PCDHGA3: variants seen among roughly 807,000 people sequenced by gnomAD.
PCDHGA3 encodes the protein protocadherin gamma subfamily A, 3.
A neutral mutation model predicts 58.5 loss-of-function variants in PCDHGA3; 40 were observed. The observed-to-expected ratio is 0.68, with a 90% CI of 0.53 to 0.89. PCDHGA3 has a LOEUF of 0.89. Among genes scored for constraint, PCDHGA3 ranks in the 40% least tolerant of loss-of-function variants. The pLI is 0.00. For synonymous variants in PCDHGA3, 530 were observed against 525.7 expected (o/e 1.01, Z -0.11); for missense variants, 1,223 against 1,195.9 (o/e 1.02, Z -0.33).
intron 1 of PCDHGA3, chr5:141,404,186 C>A (rs767632448): frequency 1.2e-6 from 2 of 1,612,966 alleles, no homozygotes; most frequent in Middle Eastern, 1.6e-4. Flanking sequence ...AATTCTTGAC[C>A]GAGAAAAAGC....
intron 1 of PCDHGA3, chr5:141,433,126 G>A (rs1390613447): frequency 1.9e-6 from 3 of 1,614,120 alleles, no homozygotes; most frequent in Middle Eastern, 1.7e-4. Flanking sequence ...AAAAAAGCGA[G>A]CCCCTTTTGC....
rs374709453 is a variant in PCDHGA3 at position 141,346,400 on chromosome 5, G to A, written c.2367G>A (p.Glu789=). 9.9e-6 allele frequency: 16 copies of A among 1,614,124 alleles called. No homozygotes were observed. In the African/African-American group the frequency reaches 1.6e-4, roughly 16 times the overall value. The change falls in exon 1 of 4, where the codon GAG becomes GAA. Residue 789 remains glutamate, a synonymous_variant. Coordinates refer to ENST00000253812, the MANE Select transcript of PCDHGA3 (RefSeq NM_018916.4). ...GCCAGGAGAGCTGTGAGAAAAGCGA[G>A]CCTCTTCTGATAACTCAGGATTTAC... ...LISQESCEKS[E]PLLITQDLLE...
chr5:141,356,928 G>A, intron 1 of PCDHGA3: 1 of 1,614,206 alleles, frequency 6.2e-7, no homozygotes, highest in Non-Finnish European at 8.5e-7. Flanking sequence ...CTGGTGTGGA[G>A]CTGGCACCCC....
At chr5:141,409,200 T>A in intron 1 of PCDHGA3, 1 of 1,614,020 alleles carries the variant, frequency 6.2e-7, no homozygotes, top group Non-Finnish European at 8.5e-7. Flanking sequence ...CAGTGTAAAG[T>A]AATCATAGAA....
chr5:141,429,395 A>T (rs545207705), intron 1 of PCDHGA3, among the ~76,000 whole-genome samples: 166 of 152,126 alleles, frequency 1.1e-3, no homozygotes, highest in African/African-American at 3.8e-3. Flanking sequence ...TTTAAAAAAA[A>T]TTGAGATTAA....
rs368093282 is a variant in PCDHGA3 at position 141,350,894 on chromosome 5, A to G, written c.2424+4437A>G. 1.2e-6 allele frequency: 2 copies of G among 1,613,946 alleles called. No homozygotes were observed. The highest frequency in any genetic ancestry group is 1.7e-6 in the Non-Finnish European group (2 of 1,179,908). On this transcript the variant is annotated intron_variant, in intron 1 of 3. Transcript: ENST00000253812. Reference sequence around the variant, plus strand: ...CTCTCATCGCTTAATCCTGACTGCCATGGATGGCGGGGACCCGCCTCTAAG... The same window carrying G: ...CTCTCATCGCTTAATCCTGACTGCCGTGGATGGCGGGGACCCGCCTCTAAG...
At chr5:141,409,192 G>A in intron 1 of PCDHGA3, 4 of 1,614,000 alleles carry the variant, frequency 2.5e-6, no homozygotes, top group Non-Finnish European at 3.4e-6. Context: ...TCTCTACCCA[G>A]TGTAAAGTAA....
At chr5:141,407,271 GA>G (rs2094907406) in intron 1 of PCDHGA3, among the ~76,000 whole-genome samples, 1 of 152,204 alleles carries the variant, frequency 6.6e-6, no homozygotes, top group African/African-American at 2.4e-5. Context: ...CATGCAACAA[GA>G]AAATTGTTAC....
At chr5:141,506,969 A>G (rs923725359) in intron 3 of PCDHGA3, 7 of 152,208 alleles carry the variant, frequency 4.6e-5, no homozygotes, top group Non-Finnish European at 8.8e-5. Flanking sequence ...ATAGCTCTGC[A>G]AGGCAGGTCT....
chr5:141,352,730 C>T, intron 1 of PCDHGA3: 1 of 1,518,416 alleles, frequency 6.6e-7, no homozygotes, highest in Non-Finnish European at 8.9e-7. Flanking sequence ...TGGCTCAAGC[C>T]TGTAATCCCA....
chr5:141,415,552 G>T (rs1244457142), intron 1 of PCDHGA3: 3 of 1,613,980 alleles, frequency 1.9e-6, no homozygotes, highest in African/African-American at 2.7e-5. Flanking sequence ...TGAGAAAAAC[G>T]ATCCTTTGTC....
intron 1 of PCDHGA3, among the ~76,000 whole-genome samples, chr5:141,438,339 AGGATC>A (rs1013025873): frequency 1.6e-4 from 25 of 151,944 alleles, no homozygotes; most frequent in Non-Finnish European, 1.9e-4. Flanking sequence ...ATGTCATATA[AGGATC>A]TACTCTGTGT....
chr5:141,451,797 C>T (rs1207473455), intron 1 of PCDHGA3, among the ~76,000 whole-genome samples: 1 of 152,006 alleles, frequency 6.6e-6, no homozygotes, highest in African/African-American at 2.4e-5. Context: ...CAGAGAATTG[C>T]TTGAACCCAG....
chr5:141,393,950 T>C (rs1203228447), intron 1 of PCDHGA3: 1 of 1,613,996 alleles, frequency 6.2e-7, no homozygotes, highest in Non-Finnish European at 8.5e-7. Context: ...CTGGAAAGAA[T>C]GGTCAAGTTG....
At chr5:141,409,434 A>T in intron 1 of PCDHGA3, 2 of 1,613,992 alleles carry the variant, frequency 1.2e-6, no homozygotes, top group Non-Finnish European at 1.7e-6. Context: ...GGAGCCCTGG[A>T]CCGAGAGCAG....
chr5:141,348,739 T>C (rs1240455139), intron 1 of PCDHGA3, among the ~76,000 whole-genome samples: 1 of 152,066 alleles, frequency 6.6e-6, no homozygotes, highest in East Asian at 1.9e-4. Context: ...AAGTTCATAG[T>C]AAAAGGAATG....
chr5:141,460,470 A>T (rs2098990057), intron 1 of PCDHGA3, among the ~76,000 whole-genome samples: 1 of 152,110 alleles, frequency 6.6e-6, no homozygotes, highest in South Asian at 2.1e-4. Flanking sequence ...TTTCCAAAGG[A>T]ATATCCAATT....
chr5:141,448,145 A>G (rs2098568457), intron 1 of PCDHGA3, among the ~76,000 whole-genome samples: 1 of 151,716 alleles, frequency 6.6e-6, no homozygotes, highest in South Asian at 2.1e-4. Flanking sequence ...TATACCTCAG[A>G]CTCACCCCTG....
At chr5:141,453,206 T>G (rs914064627) in intron 1 of PCDHGA3, among the ~76,000 whole-genome samples, 8 of 152,102 alleles carry the variant, frequency 5.3e-5, no homozygotes, top group African/African-American at 1.9e-4. Context: ...CTCAACCTCG[T>G]GCACTTAAGC....
Sources: gnomAD v4.1 joint callset for allele counts (sites outside exome capture counted in the v4.1 genomes callset) on GRCh38, gnomAD v4.1.1 for gene constraint, MANE v1.5 for transcripts, NCBI Gene and HGNC (gene_info 2026-07-23, HGNC 2026-07-21) for gene names.